Variants in ZBTB20 observed in about 807,000 individuals in gnomAD.
ZBTB20 encodes the protein zinc finger and BTB domain containing 20, also known as zinc finger and BTB domain-containing protein 20.
ZBTB20 carries 9 observed loss-of-function variants against 56.9 expected under a neutral mutation model. The observed-to-expected ratio is 0.16, with a 90% confidence interval of 0.10 to 0.28. ZBTB20 has a LOEUF of 0.28. ZBTB20 is among the 10% of genes least tolerant of loss of function. ZBTB20 has a pLI of 1.00. For missense variants in ZBTB20, 655 were observed against 1,003.0 expected, an observed-to-expected ratio of 0.65 and a Z score of 4.69; for synonymous variants, 417 against 420.7, an observed-to-expected ratio of 0.99 and a Z score of 0.11.
chr3:114,804,665 TGA>T (rs766763402), intron 4 of ZBTB20, among the ~76,000 whole-genome samples: 1 of 151,914 alleles, frequency 6.6e-6, no homozygotes, highest in Non-Finnish European at 1.5e-5. Flanking sequence ...TTCAAATATA[TGA>T]GAGAGGGCAG....
At chr3:114,854,517 T>C (rs1410233829) in intron 4 of ZBTB20, among the ~76,000 whole-genome samples, 1 of 152,216 alleles carries the variant, frequency 6.6e-6, no homozygotes, top group African/African-American at 2.4e-5. Context: ...GTTTCTTTGG[T>C]ATGTTTTCTG....
At chr3:114,809,354 C>A (rs2072345908) in intron 4 of ZBTB20, among the ~76,000 whole-genome samples, 1 of 152,178 alleles carries the variant, frequency 6.6e-6, no homozygotes, top group South Asian at 2.1e-4. Context: ...AAGCTCTGCT[C>A]ATTTTTTCAT....
In ZBTB20 at chr3:115,035,678, C is replaced by A. The variant is rs551542767; in HGVS notation, c.-507+35541G>T. Among the ~76,000 whole-genome samples the A allele has an allele frequency of 2.3e-4, 35 of 152,134 alleles. 2 individuals are homozygous for A. The South Asian group carries it at 7.3e-3, about 32-fold the overall frequency. ...CTCAAAAAGTTAAAAAATAGAACTA[C>A]CATATGACAGAGCAATTCCACCTCT... On this transcript the variant is annotated intron_variant, in intron 2 of 11. Transcript: ENST00000675478.
chr3:114,506,856 G>T (rs972582046), intron 6 of ZBTB20, among the ~76,000 whole-genome samples: 1 of 152,094 alleles, frequency 6.6e-6, no homozygotes, highest in Admixed American at 6.5e-5. Context: ...TATATACGGT[G>T]ACAGCCTATT....
At position 114,707,149 on chromosome 3, in the gene ZBTB20, G is replaced by A. The variant is rs551498468; in HGVS notation, c.-342-13574C>T. Reference sequence around the variant, plus strand: ...ATTTTAATTAAGAGATCAGAATCAAGCATTAAAATGTTATTAAATGGCTTG... The same window carrying A: ...ATTTTAATTAAGAGATCAGAATCAAACATTAAAATGTTATTAAATGGCTTG... On this transcript the variant is annotated intron_variant, in intron 5 of 11. Coordinates refer to ENST00000675478, the MANE Select transcript of ZBTB20 (RefSeq NM_001348800.3). Among the ~76,000 whole-genome samples, 5 of 152,142 alleles carry A rather than the reference G, an allele frequency of 3.3e-5. No individual in the cohort carries two copies. The East Asian group carries it at 9.6e-4, about 29-fold the overall frequency.
intron 6 of ZBTB20, among the ~76,000 whole-genome samples, chr3:114,520,703 C>T (rs2046544096): frequency 6.6e-6 from 1 of 152,096 alleles, no homozygotes; most frequent in Non-Finnish European, 1.5e-5. Context: ...AAATCTGTAT[C>T]TTGAGCCATT....
intron 2 of ZBTB20, among the ~76,000 whole-genome samples, chr3:115,059,067 A>G (rs1460032376): frequency 6.6e-6 from 1 of 152,158 alleles, no homozygotes; most frequent in Admixed American, 6.5e-5. Context: ...TCCTGATCAT[A>G]GTCAAGCTTT....
At chr3:114,553,404 T>C (rs900056354) in intron 6 of ZBTB20, among the ~76,000 whole-genome samples, 1 of 152,174 alleles carries the variant, frequency 6.6e-6, no homozygotes, top group African/African-American at 2.4e-5. Flanking sequence ...TTCCAAGCAT[T>C]TCTTTGGTCC....
chr3:115,146,373 G>A (rs772855884), intron 1 of ZBTB20, among the ~76,000 whole-genome samples: 1 of 142,420 alleles, frequency 7.0e-6, no homozygotes, highest in Non-Finnish European at 1.5e-5. Flanking sequence ...TAACAGCTGG[G>A]GGCGGGGGGT....
intron 6 of ZBTB20, among the ~76,000 whole-genome samples, chr3:114,657,293 G>A (rs2108047016): frequency 6.6e-6 from 1 of 152,216 alleles, no homozygotes; most frequent in East Asian, 1.9e-4. Context: ...TAATTTCTTA[G>A]TTCTTAGCTA....
At chr3:115,121,786 C>T (rs532219545) in intron 1 of ZBTB20, among the ~76,000 whole-genome samples, 1 of 152,010 alleles carries the variant, frequency 6.6e-6, no homozygotes, top group East Asian at 1.9e-4. Flanking sequence ...CCAGTAAGCA[C>T]CTATAGGAAG....
chr3:114,376,006 A>C (rs2083576331), intron 10 of ZBTB20, among the ~76,000 whole-genome samples: 1 of 152,262 alleles, frequency 6.6e-6, no homozygotes, highest in South Asian at 2.1e-4. Flanking sequence ...CTGTCTGTGT[A>C]CATGAAATGC....
chr3:114,969,120 C>T (rs893999515), intron 3 of ZBTB20, among the ~76,000 whole-genome samples: 5 of 152,272 alleles, frequency 3.3e-5, no homozygotes, highest in African/African-American at 1.2e-4. Context: ...CCCTGTTAGA[C>T]TATAAGCTCA....
chr3:114,815,519 A>G (rs2072853640), intron 4 of ZBTB20, among the ~76,000 whole-genome samples: 1 of 152,084 alleles, frequency 6.6e-6, no homozygotes, highest in Non-Finnish European at 1.5e-5. Context: ...TATTTTTACT[A>G]TTTGGTATTG....
At chr3:114,799,560 T>A (rs1182601812) in intron 5 of ZBTB20, among the ~76,000 whole-genome samples, 2 of 151,978 alleles carry the variant, frequency 1.3e-5, no homozygotes, top group African/African-American at 4.8e-5. Flanking sequence ...TAAAAAGTTT[T>A]GAAATTAAAC....
At chr3:114,956,565 A>G in intron 3 of ZBTB20, among the ~76,000 whole-genome samples, 1 of 152,214 alleles carries the variant, frequency 6.6e-6, no homozygotes, top group East Asian at 1.9e-4. Context: ...TTCAGTTTGA[A>G]GTAGGTGGAT....
At chr3:114,683,543 G>A (rs745616494) in intron 6 of ZBTB20, among the ~76,000 whole-genome samples, 8 of 151,024 alleles carry the variant, frequency 5.3e-5, no homozygotes, top group Non-Finnish European at 1.0e-4. Flanking sequence ...ATAATAATAA[G>A]GATTGACAAT....
intron 5 of ZBTB20, among the ~76,000 whole-genome samples, chr3:114,749,659 A>G (rs960587353): frequency 2.0e-5 from 3 of 152,088 alleles, no homozygotes; most frequent in African/African-American, 7.3e-5. Context: ...TATACTATAA[A>G]CTTCTTTCCC....
chr3:114,947,584 T>C (rs1388998703), intron 3 of ZBTB20, among the ~76,000 whole-genome samples: 1 of 145,878 alleles, frequency 6.9e-6, no homozygotes, highest in East Asian at 1.9e-4. Flanking sequence ...TTCTCACTTA[T>C]AAGTGGGAGC....
Sources: allele counts gnomAD v4.1 joint callset (sites outside exome capture counted in the v4.1 genomes callset), GRCh38; gene constraint gnomAD v4.1.1; transcripts MANE v1.5; gene names NCBI Gene and HGNC (gene_info 2026-07-23, HGNC 2026-07-21).